The following AIG1 variants were observed in gnomAD, a reference collection of about 807,000 sequenced individuals.
AIG1 encodes androgen-induced gene 1 protein.
In AIG1, 23 loss-of-function variants were observed where a neutral mutation model predicts 31.4. The ratio of observed to expected loss-of-function variants is 0.73; its 90% CI spans 0.53 to 1.04. The LOEUF (loss-of-function observed/expected upper bound fraction) is 1.04. Among genes scored for constraint, AIG1 ranks in the 50% least tolerant of loss-of-function variants. AIG1 has a pLI of 0.00. For missense variants in AIG1, 274 were observed against 295.0 expected, an observed-to-expected ratio of 0.93 and a Z score of 0.52; for synonymous variants, 100 against 110.5, an observed-to-expected ratio of 0.90 and a Z score of 0.60.
chr6:143,261,192 C>G (rs538850528), intron 3 of AIG1, among the ~76,000 whole-genome samples: 1 of 152,206 alleles, frequency 6.6e-6, no homozygotes, highest in South Asian at 2.1e-4. Context: ...AGTGCAGCGG[C>G]GCGATCTCAG....
Position 143,254,377 on chromosome 6 carries a change from A to G in AIG1, c.400-29733A>G, listed in dbSNP as rs185833799. ...TGGGCATCCTGGAGGCATCATGACA[A>G]ATTTAAAACAACTTAAGTTATTTAA... On this transcript the variant is annotated intron_variant, in intron 3 of 5. Coordinates refer to ENST00000357847, the MANE Select transcript of AIG1 (RefSeq NM_016108.4). Among the ~76,000 whole-genome samples the G allele has an allele frequency of 2.2e-3, 329 of 152,182 alleles. 3 individuals are homozygous for G. The highest frequency in any genetic ancestry group is 1.7e-3 in the Non-Finnish European group (115 of 67,994).
chr6:143,343,255 G>A (rs1283533313), downstream of AIG1: 2 of 655,140 alleles, frequency 3.1e-6, no homozygotes, highest in Non-Finnish European at 5.9e-6. Flanking sequence ...CATCTTGGGG[G>A]AGCTCTCTTT....
rs1777238430 is a variant in AIG1 at position 143,333,426 on chromosome 6, T to C, written c.660T>C (p.Tyr220=). The C allele has an allele frequency of 1.9e-6, 3 of 1,612,710 alleles. No homozygotes were observed. In the African/African-American group the frequency reaches 4.0e-5, roughly 22 times the overall value. Residue 220 remains tyrosine (Y), a synonymous_variant, in exon 5 of 6, where the codon TAT becomes TAC. Transcript: ENST00000357847. This position sits in a 1 kb window ranked among gnomAD's most constrained non-coding sequence, Gnocchi z 4.6. The part of the protein sequence containing the change: ...LYLLGEVLNN[Y]IWDTQKSMEE... Reference sequence around the variant, plus strand: ...TGCTGGGAGAAGTTCTGAACAACTATATCTGGGATACACAGAAAAGTAAGT... The same window carrying C: ...TGCTGGGAGAAGTTCTGAACAACTACATCTGGGATACACAGAAAAGTAAGT...
intron 3 of AIG1, among the ~76,000 whole-genome samples, chr6:143,263,504 T>A (rs768438677): frequency 4.6e-5 from 7 of 152,146 alleles, no homozygotes; most frequent in Non-Finnish European, 1.0e-4. Context: ...TTTAAAAAAA[T>A]TTTATGAATG....
intron 4 of AIG1, among the ~76,000 whole-genome samples, chr6:143,317,830 A>G (rs1000555048): frequency 6.6e-6 from 1 of 152,196 alleles, no homozygotes. Flanking sequence ...ACAAATCAGT[A>G]GCTTTTCTAT....
intron 3 of AIG1, among the ~76,000 whole-genome samples, chr6:143,275,724 G>A (rs1796844484): frequency 6.6e-6 from 1 of 152,106 alleles, no homozygotes; most frequent in African/African-American, 2.4e-5. Flanking sequence ...TAACCAAGCA[G>A]AGCAAATCAC....
chr6:143,210,483 C>T (rs965218155), intron 3 of AIG1, among the ~76,000 whole-genome samples: 1 of 152,186 alleles, frequency 6.6e-6, no homozygotes. Flanking sequence ...AGCAAGAGGT[C>T]AGGAACCTGA....
chr6:143,305,710 G>T (rs1399522553), intron 4 of AIG1, among the ~76,000 whole-genome samples: 1 of 152,100 alleles, frequency 6.6e-6, no homozygotes, highest in Non-Finnish European at 1.5e-5. Flanking sequence ...TGTTGATTTG[G>T]GGTGAAGAGT....
chr6:143,239,515 A>G (rs1794070518), intron 3 of AIG1, among the ~76,000 whole-genome samples: 1 of 152,238 alleles, frequency 6.6e-6, no homozygotes, highest in Non-Finnish European at 1.5e-5. Flanking sequence ...TGGCTGGAAC[A>G]GCAGCCCCTG....
At chr6:143,092,764 G>T (rs1281150434) in intron 1 of AIG1, among the ~76,000 whole-genome samples, 2 of 152,110 alleles carry the variant, frequency 1.3e-5, no homozygotes, top group Non-Finnish European at 2.9e-5. Context: ...AAGCTTTGAG[G>T]TCAGGTCAGG....
Position 143,101,049 on chromosome 6 carries a change from C to G in AIG1, c.142-35786C>G, listed in dbSNP as rs566611065. 3.9e-5 allele frequency among the ~76,000 whole-genome samples: 6 copies of G among 152,202 alleles called. No homozygotes were observed. The South Asian group carries it at 1.2e-3, about 32-fold the overall frequency. On this transcript the variant is annotated intron_variant, in intron 1 of 5. Transcript: ENST00000357847. ...ATTTTCAAGTTTTATTTCATGTCAT[C>G]TTTTTATGCATGCCTGAGAGGTTAT...
chr6:143,211,529 A>C (rs1354958865), intron 3 of AIG1, among the ~76,000 whole-genome samples: 2 of 152,198 alleles, frequency 1.3e-5, no homozygotes, highest in Non-Finnish European at 2.9e-5. Flanking sequence ...AAAATATCCC[A>C]TAAGTCCTTC....
intron 1 of AIG1, among the ~76,000 whole-genome samples, chr6:143,129,427 G>A (rs534897597): frequency 6.6e-6 from 1 of 152,226 alleles, no homozygotes; most frequent in Non-Finnish European, 1.5e-5. Flanking sequence ...ATAGTCCCAA[G>A]TAGGGGAGAA....
chr6:143,184,331 T>A (rs931215942), intron 3 of AIG1, among the ~76,000 whole-genome samples: 4 of 152,178 alleles, frequency 2.6e-5, no homozygotes, highest in African/African-American at 9.6e-5. Context: ...AAGATTTCAC[T>A]CTCTCCCATG....
intron 3 of AIG1, among the ~76,000 whole-genome samples, chr6:143,224,530 G>T (rs1396186770): frequency 1.3e-5 from 2 of 152,158 alleles, no homozygotes; most frequent in Non-Finnish European, 2.9e-5. Flanking sequence ...AAATTTGGTT[G>T]TGTAATGTAT....
At chr6:143,198,297 G>C (rs1790419278) in intron 3 of AIG1, among the ~76,000 whole-genome samples, 1 of 152,158 alleles carries the variant, frequency 6.6e-6, no homozygotes, top group Non-Finnish European at 1.5e-5. Context: ...AGTTTGCCTA[G>C]AACCAAACCC....
At chr6:143,257,359 A>G (rs888459335) in intron 3 of AIG1, among the ~76,000 whole-genome samples, 1 of 152,234 alleles carries the variant, frequency 6.6e-6, no homozygotes, top group Non-Finnish European at 1.5e-5. Flanking sequence ...ACAAAAACAA[A>G]AAAAAATTGT....
chr6:143,225,662 T>C (rs944960197), intron 3 of AIG1, among the ~76,000 whole-genome samples: 10 of 152,038 alleles, frequency 6.6e-5, no homozygotes, highest in Non-Finnish European at 8.8e-5. Flanking sequence ...TATTTAATAA[T>C]TAGAAAAAAA....
chr6:143,113,675 A>G (rs914754634), intron 1 of AIG1, among the ~76,000 whole-genome samples: 1 of 152,058 alleles, frequency 6.6e-6, no homozygotes, highest in Non-Finnish European at 1.5e-5. Context: ...CCCTTACGCT[A>G]TGAAACTTAC....
Sources: allele counts gnomAD v4.1 joint callset (sites outside exome capture counted in the v4.1 genomes callset), GRCh38; gene constraint gnomAD v4.1.1; non-coding constraint Gnocchi (gnomAD v3.1); transcripts MANE v1.5; gene names NCBI Gene and HGNC (gene_info 2026-07-23, HGNC 2026-07-21).